The following RHOBTB2 variants were observed in gnomAD, a reference collection of about 807,000 sequenced individuals.
The protein encoded by RHOBTB2 is rho-related BTB domain-containing protein 2.
In RHOBTB2, 39 loss-of-function variants were observed where a neutral mutation model predicts 66.5. The ratio of observed to expected loss-of-function variants is 0.59; its 90% CI spans 0.45 to 0.77. RHOBTB2 has a LOEUF of 0.77. Among genes scored for constraint, RHOBTB2 ranks in the 30% least tolerant of loss-of-function variants. The pLI, the probability that RHOBTB2 is intolerant of heterozygous loss-of-function variation, is 0.00. For synonymous variants in RHOBTB2, 390 were observed against 395.0 expected (o/e 0.99, Z 0.15); for missense variants, 755 against 999.1 (o/e 0.76, Z 3.29).
At chr8:22,969,863 C>T in the RHOBTB2 span, among the ~76,000 whole-genome samples, 4 of 152,216 alleles carry the variant, frequency 2.6e-5, no homozygotes, top group East Asian at 7.7e-4. Context: ...GTGATCCTCC[C>T]ACTTTAATCT....
At chr8:22,970,620 T>C in the RHOBTB2 span, among the ~76,000 whole-genome samples, 2 of 151,346 alleles carry the variant, frequency 1.3e-5, no homozygotes, top group African/African-American at 2.4e-5. Flanking sequence ...AAAAAAAAAT[T>C]TGATTTATTT....
chr8:22,975,898 AGCACTTT>A, the RHOBTB2 span, among the ~76,000 whole-genome samples: 1 of 152,048 alleles, frequency 6.6e-6, no homozygotes, highest in African/African-American at 2.4e-5. Context: ...CTGTAATCTC[AGCACTTT>A]GGGAGGCCAA....
chr8:22,961,739 G>C, the RHOBTB2 span, among the ~76,000 whole-genome samples: 5 of 152,072 alleles, frequency 3.3e-5, no homozygotes, highest in Admixed American at 3.3e-4. Context: ...TATCTCTTCA[G>C]TCTTCCCAAA....
chr8:23,011,557 G>T (rs927691413), intron 7 of RHOBTB2, among the ~76,000 whole-genome samples: 2 of 152,154 alleles, frequency 1.3e-5, no homozygotes, highest in Admixed American at 1.3e-4. Flanking sequence ...AATCCCAGGG[G>T]CTCTCTGAGT....
chr8:22,967,472 G>A, the RHOBTB2 span, among the ~76,000 whole-genome samples: 24 of 151,868 alleles, frequency 1.6e-4, no homozygotes, highest in Middle Eastern at 3.4e-3. Context: ...TTAGCTGGGC[G>A]TGATGGCAGG....
the RHOBTB2 span, among the ~76,000 whole-genome samples, chr8:22,952,989 C>G: frequency 6.6e-6 from 1 of 152,104 alleles, no homozygotes; most frequent in Non-Finnish European, 1.5e-5. Context: ...AGATCAAGTG[C>G]TTGGTATGGC....
intron 7 of RHOBTB2, among the ~76,000 whole-genome samples, chr8:23,011,163 A>T (rs1487587193): frequency 6.6e-6 from 1 of 152,188 alleles, no homozygotes; most frequent in East Asian, 1.9e-4. Context: ...CTGAGGCAAG[A>T]GAATTGCTTG....
chr8:23,006,827 CG>C lies in RHOBTB2; in HGVS notation c.584del (p.Gly195AlafsTer106), dbSNP rs1330944788. ...YYETSVVAQFGIKDVFDNAIR... is the reference protein window; with the variant it reads ...YYETSVVAQFXIKDVFDNAIR... ...ATGAGACCAGCGTGGTGGCCCAGTT[CG>C]GCATCAAGGACGTCTTTGACAACGC... is the stretch of plus-strand genomic sequence containing the variant. On this transcript the variant is annotated frameshift_variant, in exon 5 of 10. Coordinates refer to ENST00000251822, the MANE Select transcript of RHOBTB2 (RefSeq NM_015178.3). LOFTEE classifies it high-confidence loss of function. This position sits in a 1 kb window ranked among gnomAD's most constrained non-coding sequence, Gnocchi z 6.1. 1.2e-6 allele frequency: 2 copies of C among 1,614,008 alleles called. No homozygotes were observed. Among genetic ancestry groups the C allele is most frequent in the African/African-American group, 2.7e-5 (2 of 74,904 alleles).
the RHOBTB2 span, among the ~76,000 whole-genome samples, chr8:22,967,572 C>T: frequency 8.8e-6 from 1 of 113,788 alleles, no homozygotes; most frequent in Non-Finnish European, 1.6e-5. Flanking sequence ...CACTGCACTA[C>T]AGACTGGGCG....
chr8:22,979,738 CTTTCTTT>C, the RHOBTB2 span, among the ~76,000 whole-genome samples: 1 of 76,974 alleles, frequency 1.3e-5, no homozygotes, highest in African/African-American at 4.3e-5. Flanking sequence ...CTTTTCTTTT[CTTTCTTT>C]TTTTTTTTTT....
At chr8:23,013,008 A>C (rs1256398299) in intron 7 of RHOBTB2, among the ~76,000 whole-genome samples, 3 of 151,496 alleles carry the variant, frequency 2.0e-5, no homozygotes. Context: ...CATGTTGGCC[A>C]GGCTGGTCTT....
At chr8:22,964,582 G>C in the RHOBTB2 span, among the ~76,000 whole-genome samples, 1 of 152,008 alleles carries the variant, frequency 6.6e-6, no homozygotes, top group South Asian at 2.1e-4. Context: ...TGCCATCTCT[G>C]ATTGTCCCCC....
upstream of RHOBTB2, among the ~76,000 whole-genome samples, chr8:22,984,064 A>G (rs900318576): frequency 3.3e-5 from 5 of 152,212 alleles, no homozygotes; most frequent in African/African-American, 9.7e-5. Context: ...TGCAGTGGGA[A>G]TGAAGCCACC....
intron 1 of RHOBTB2, among the ~76,000 whole-genome samples, chr8:22,991,686 T>C (rs1048218186): frequency 6.6e-6 from 1 of 152,094 alleles, no homozygotes; most frequent in Non-Finnish European, 1.5e-5. Flanking sequence ...ACTTGCATTG[T>C]CATTTGGGGG....
rs1026415965 is a variant in RHOBTB2, at chr8:23,004,226, C to T, written c.-10-199C>T. The T allele has an allele frequency of 5.0e-6, 3 of 600,324 alleles. No individual in the cohort carries two copies. The highest frequency in any genetic ancestry group is 2.7e-5 in the Admixed American group (1 of 36,626). The allele number at this position is 600,324 out of a possible 1,614,324, so 37.2% of individuals were successfully genotyped here. On this transcript the variant is annotated intron_variant, in intron 1 of 9. Coordinates refer to ENST00000251822, the MANE Select transcript of RHOBTB2 (RefSeq NM_015178.3). This position sits in a 1 kb window ranked among gnomAD's most constrained non-coding sequence, Gnocchi z 6.4. ...GGTGGCCCATCTGGTGACACTGCTC[C>T]TCTCAGCCTGAATGGGCTCCTGGCC...
chr8:22,960,819 C>A, the RHOBTB2 span, among the ~76,000 whole-genome samples: 1 of 152,180 alleles, frequency 6.6e-6, no homozygotes, highest in Non-Finnish European at 1.5e-5. Flanking sequence ...CAATCACTTT[C>A]TTTACTCAGG....
Position 23,017,711 on chromosome 8 carries a change from T to G in RHOBTB2, c.*242T>G, listed in dbSNP as rs973908974. The G allele has an allele frequency of 1.7e-6, 1 of 576,916 alleles. No homozygotes were observed. The highest frequency in any genetic ancestry group is 1.9e-5 in the African/African-American group (1 of 53,520). The allele number at this position is 576,916 out of a possible 1,614,324, so 35.7% of individuals were successfully genotyped here. A position where few individuals can be genotyped will look rare whatever the true frequency, so the allele number is the denominator to read the frequency against. On this transcript the variant is annotated 3_prime_UTR_variant, in exon 10 of 10. Transcript: ENST00000251822. The surrounding 1 kb of genome is among the most constrained non-coding windows in gnomAD (Gnocchi z 5.3). ...CAAAGCAGGACGGGAGACAACTGCT[T>G]GGAGGAGCGAAGAGCCCTGGCATTT...
the RHOBTB2 span, among the ~76,000 whole-genome samples, chr8:22,959,886 G>A: frequency 2.6e-5 from 4 of 151,584 alleles, no homozygotes; most frequent in African/African-American, 7.3e-5. Context: ...AATGTTGGCC[G>A]GGTGTGGTGG....
chr8:23,000,454 A>G (rs1373733351), intron 1 of RHOBTB2, among the ~76,000 whole-genome samples: 2 of 152,222 alleles, frequency 1.3e-5, no homozygotes, highest in East Asian at 3.8e-4. Flanking sequence ...CAAACACAAA[A>G]CAACAGTGGA....
Sources: gnomAD v4.1 joint callset for allele counts (sites outside exome capture counted in the v4.1 genomes callset) on GRCh38, gnomAD v4.1.1 for gene constraint, Gnocchi (gnomAD v3.1) non-coding constraint, MANE v1.5 for transcripts, NCBI Gene and HGNC (gene_info 2026-07-23, HGNC 2026-07-21) for gene names.